NUP155: variants seen among roughly 807,000 people sequenced by gnomAD.
NUP155 encodes the protein nuclear pore complex protein Nup155.
A neutral mutation model predicts 180.4 loss-of-function variants in NUP155; 71 were observed. The observed-to-expected ratio is 0.39, with a 90% confidence interval of 0.33 to 0.48. The LOEUF (loss-of-function observed/expected upper bound fraction) is 0.48. Among genes scored for constraint, NUP155 ranks in the 20% least tolerant of loss-of-function variants. NUP155 has a pLI of 0.91. For missense variants in NUP155, 1,553 were observed against 1,648.9 expected (o/e 0.94, Z 1.01); for synonymous variants, 582 against 559.5 (o/e 1.04, Z -0.57).
At chr5:37,352,689 G>A (rs1272950548) in intron 5 of NUP155, 48 bp downstream of exon 5, 1 of 1,257,268 alleles carries the variant, frequency 8.0e-7, no homozygotes, top group Non-Finnish European at 1.2e-6. Context: ...ATATCAATTG[G>A]CCAAAATACT....
intron 1 of NUP155, among the ~76,000 whole-genome samples, chr5:37,364,829 G>A (rs1747451146): frequency 6.6e-6 from 1 of 151,400 alleles, no homozygotes; most frequent in South Asian, 2.1e-4. Context: ...GTAGAAACGG[G>A]GTTTCACCGT....
intron 23 of NUP155, 141 bp downstream of exon 23, chr5:37,310,411 C>T (rs1743451370): frequency 1.6e-6 from 1 of 614,638 alleles, no homozygotes; most frequent in Non-Finnish European, 2.8e-6. Context: ...TATTCCAACC[C>T]CTTTCTTAGA....
At chr5:37,350,411 A>C (rs1163047054) in intron 6 of NUP155, 146 bp from the exon 7 acceptor site, 2 of 632,626 alleles carry the variant, frequency 3.2e-6, no homozygotes, top group Non-Finnish European at 5.6e-6. Context: ...ACAAAACGAG[A>C]CATATTATTC....
intron 21 of NUP155, among the ~76,000 whole-genome samples, chr5:37,315,035 C>G (rs1037624981): frequency 6.6e-6 from 1 of 152,106 alleles, no homozygotes; most frequent in Admixed American, 6.5e-5. Context: ...AGTTCAAGAC[C>G]GGCCTGGCCA....
chr5:37,331,754 C>T lies in NUP155; in HGVS notation c.1560G>A (p.Leu520=), dbSNP rs566167474. Residue 520 remains leucine, a synonymous_variant, in exon 14 of 35, where the codon CTG becomes CTA. Transcript: ENST00000231498. ...CCACATTACTCACAAGTAGATGCCTCAGTTGATCTACAGGTCTAAGTTTAT... is the reference window on the plus strand; with the variant it reads ...CCACATTACTCACAAGTAGATGCCTTAGTTGATCTACAGGTCTAAGTTTAT... ...MFHKLRPVDQ[L]RHLLVSNVGG... is the part of the protein sequence containing the mutation. 1 of 1,611,680 alleles carries T rather than the reference C, an allele frequency of 6.2e-7. No homozygotes were observed. The highest frequency in any genetic ancestry group is 1.3e-5 in the African/African-American group (1 of 75,010).
rs113538620 is a variant in NUP155 at position 37,325,709 on chromosome 5, C to T, written c.2091+192G>A. 0.051 allele frequency among the ~76,000 whole-genome samples: 6,730 copies of T among 133,112 alleles called. 537 individuals are homozygous for T. The highest frequency in any genetic ancestry group is 0.18 in the African/African-American group (6,414 of 35,350). The allele number at this position is 133,112 out of a possible 152,430, so 87.3% of individuals were successfully genotyped here. On this transcript the variant is annotated intron_variant, in intron 19 of 34. Transcript: ENST00000231498. ...GCTTGACCCCAGAGGGCAGAGGTTGCAGTAAGCTGAGACTGGGCCACTGCA... is the reference window on the plus strand; with the variant it reads ...GCTTGACCCCAGAGGGCAGAGGTTGTAGTAAGCTGAGACTGGGCCACTGCA...
intron 12 of NUP155, among the ~76,000 whole-genome samples, chr5:37,336,312 C>T (rs1028961973): frequency 7.2e-5 from 11 of 151,872 alleles, no homozygotes; most frequent in Non-Finnish European, 5.9e-5. Context: ...CAGACCCTGT[C>T]GCTACAAAAA....
chr5:37,345,510 C>CAAAAAA (rs570982659), intron 9 of NUP155, among the ~76,000 whole-genome samples: 1 of 67,118 alleles, frequency 1.5e-5, no homozygotes, highest in African/African-American at 5.4e-5. Flanking sequence ...GACTCCATTT[C>CAAAAAA]AAAAAAAAAA....
intron 32 of NUP155, among the ~76,000 whole-genome samples, chr5:37,296,585 C>T (rs1742591705): frequency 6.6e-6 from 1 of 151,484 alleles, no homozygotes; most frequent in African/African-American, 2.4e-5. Context: ...CTAGGAAAAC[C>T]AGAGACCTTT....
chr5:37,307,950 A>T (rs1360544482), intron 24 of NUP155, among the ~76,000 whole-genome samples: 44 of 85,076 alleles, frequency 5.2e-4, no homozygotes, highest in African/African-American at 1.2e-3. Context: ...AGGAAAAAAA[A>T]AAATATATAT....
At chr5:37,307,582 A>G (rs1214297650) in intron 24 of NUP155, 150 bp from the exon 25 acceptor site, 2 of 786,246 alleles carry the variant, frequency 2.5e-6, no homozygotes, top group East Asian at 5.3e-5. Flanking sequence ...ATAGGTCTTC[A>G]GAAGGAAAAG....
At chr5:37,350,312 C>CT in intron 6 of NUP155, 47 bp from the exon 7 acceptor site, 1 of 1,158,602 alleles carries the variant, frequency 8.6e-7, no homozygotes, top group Non-Finnish European at 1.3e-6. Flanking sequence ...ATGTAACTCC[C>CT]TTACAATAAC....
intron 11 of NUP155, among the ~76,000 whole-genome samples, chr5:37,339,214 A>T (rs1246301325): frequency 6.7e-6 from 1 of 148,216 alleles, no homozygotes; most frequent in East Asian, 2.0e-4. Context: ...ACAAAACATG[A>T]GGCAGGAGGA....
At chr5:37,294,498 T>C in intron 32 of NUP155, 33 bp from the exon 33 acceptor site, 1 of 1,597,016 alleles carries the variant, frequency 6.3e-7, no homozygotes, top group Non-Finnish European at 8.6e-7. Flanking sequence ...GAAATTTGGA[T>C]TTTTAGCTCT....
rs189265257 is a variant in NUP155, at chr5:37,291,839, C to T, written c.*61G>A. The stretch of plus-strand genomic sequence containing the variant: ...TTCTTAGATTTAGAACACCTGATAT[C>T]TGGACCCAGCTGAGTTTTTATTTTA... On this transcript the variant is annotated 3_prime_UTR_variant, in exon 35 of 35. Coordinates refer to ENST00000231498, the MANE Select transcript of NUP155 (RefSeq NM_153485.3). 659 of 1,496,670 alleles carry T rather than the reference C, an allele frequency of 4.4e-4. 5 individuals carry two copies. The East Asian group carries it at 0.013, about 29-fold the overall frequency. 92.7% of individuals were successfully genotyped at this position (1,496,670 alleles called of 1,614,324 possible).
Position 37,310,566 on chromosome 5 carries a change from C to A in NUP155, c.2614G>T (p.Ala872Ser), listed in dbSNP as rs756433867. 6.2e-7 allele frequency: 1 copy of A among 1,612,622 alleles called. No homozygotes were observed. The highest frequency in any genetic ancestry group is 1.1e-5 in the South Asian group (1 of 90,998). Reference protein sequence around the residue: ...ICPLLYSTDDAICSKANELLQ... With the variant: ...ICPLLYSTDDSICSKANELLQ... ...AAGTATCATACCTTAGAACAAATTG[C>A]ATCATCAGTGCTATATAGAAGTGGG... Residue 872 changes from alanine to serine, a missense_variant, in exon 23 of 35, where the codon GCA becomes TCA. Coordinates refer to ENST00000231498, the MANE Select transcript of NUP155 (RefSeq NM_153485.3).
chr5:37,358,683 T>C (rs1363549270), intron 3 of NUP155, among the ~76,000 whole-genome samples: 1 of 152,134 alleles, frequency 6.6e-6, no homozygotes, highest in Non-Finnish European at 1.5e-5. Context: ...GTTGAACTCC[T>C]GAATGCTCTT....
rs770884582 is a variant in NUP155 at position 37,327,622 on chromosome 5, A to T, written c.2024+7T>A. ...AGCAATAATTCATTATTTCATGACA[A>T]ACTTACCCCATGATCCGAGAAAAGT... On this transcript the variant is annotated splice_region_variant and intron_variant, in intron 18 of 34. Coordinates refer to ENST00000231498, the MANE Select transcript of NUP155 (RefSeq NM_153485.3). 2.5e-6 allele frequency: 4 copies of T among 1,613,870 alleles called. No homozygotes were observed. The highest frequency in any genetic ancestry group is 3.4e-6 in the Non-Finnish European group (4 of 1,179,898).
intron 5 of NUP155, 28 bp from the exon 6 acceptor site, chr5:37,351,384 T>C (rs1409452383): frequency 6.7e-7 from 1 of 1,485,520 alleles, no homozygotes; most frequent in Admixed American, 1.7e-5. Context: ...CATAAATCAG[T>C]TTATTAGCTA....
Sources: gnomAD v4.1 joint callset for allele counts (sites outside exome capture counted in the v4.1 genomes callset) on GRCh38, gnomAD v4.1.1 for gene constraint, MANE v1.5 for transcripts, NCBI Gene and HGNC (gene_info 2026-07-23, HGNC 2026-07-21) for gene names.